C5orf34: variants seen among roughly 807,000 people sequenced by gnomAD.
C5orf34 encodes the protein uncharacterized protein C5orf34.
C5orf34 carries 73 observed loss-of-function variants against 78.4 expected under a neutral mutation model. The observed-to-expected ratio is 0.93, with a 90% CI of 0.77 to 1.13. C5orf34 has a LOEUF of 1.13. C5orf34 is among the 50% of genes most tolerant of loss of function. C5orf34 has a pLI of 0.00. For synonymous variants in C5orf34, 251 were observed against 246.6 expected (o/e 1.02, Z -0.17); for missense variants, 730 against 732.7 (o/e 1.00, Z 0.04).
At chr5:43,488,155 A>C (rs986895711) in intron 11 of C5orf34, 6 of 549,438 alleles carry the variant, frequency 1.1e-5, no homozygotes, top group Admixed American at 9.7e-5. Context: ...AAGTGAATAA[A>C]AGTCTACCCC....
intron 1 of C5orf34, among the ~76,000 whole-genome samples, chr5:43,509,764 G>GTT (rs560389477): frequency 6.7e-6 from 1 of 149,910 alleles, no homozygotes; most frequent in South Asian, 2.1e-4. Flanking sequence ...TGTTTTTTTT[G>GTT]TTTTTTTTTG....
Position 43,492,828 on chromosome 5 carries a change from A to T in C5orf34, c.1377T>A (p.Ser459Arg). ...CAGAGTAGGCAAGAAATCTTCCCAC[A>T]CTGGGTATGAGTGACTCTTTCAAAA... ...PLVLKESLIP[S>R]VGRFLAYSDD... is the part of the protein sequence containing the mutation. The change falls in exon 9 of 13, where the codon AGT becomes AGA. Residue 459 changes from serine to arginine, a missense_variant. Transcript: ENST00000306862. 1 of 1,612,510 alleles carries T rather than the reference A, an allele frequency of 6.2e-7. No homozygotes were observed.
chr5:43,503,823 A>C, intron 4 of C5orf34, 63 bp from the exon 5 acceptor site: 3 of 1,059,122 alleles, frequency 2.8e-6, no homozygotes, highest in Non-Finnish European at 4.4e-6. Flanking sequence ...TTTAGAAGTC[A>C]ACAAAATGTT....
chr5:43,495,962 C>G, intron 6 of C5orf34: 2 of 1,590,522 alleles, frequency 1.3e-6, no homozygotes, highest in South Asian at 2.2e-5. Context: ...TTCCTCTTCT[C>G]TCTTCTGGCT....
chr5:43,514,320 G>A (rs934776511), intron 1 of C5orf34: 1 of 152,146 alleles, frequency 6.6e-6, no homozygotes. Flanking sequence ...ACCTGTTTAC[G>A]TACTTATCAA....
At chr5:43,504,578 C>T (rs1745902167) in intron 4 of C5orf34, among the ~76,000 whole-genome samples, 1 of 152,122 alleles carries the variant, frequency 6.6e-6, no homozygotes, top group South Asian at 2.1e-4. Context: ...AGAAAGAGAA[C>T]ACTCCTGCAG....
chr5:43,490,601 T>C (rs927278818), intron 11 of C5orf34, 30 bp downstream of exon 11: 1 of 1,391,512 alleles, frequency 7.2e-7, no homozygotes, highest in Non-Finnish European at 1.0e-6. Flanking sequence ...TTAGCTCTTC[T>C]AAACAGATTT....
At chr5:43,501,561 CAGGG>C in intron 6 of C5orf34, among the ~76,000 whole-genome samples, 1 of 152,102 alleles carries the variant, frequency 6.6e-6, no homozygotes, top group Non-Finnish European at 1.5e-5. Context: ...TAAAAATAAA[CAGGG>C]AGTGGAGGGA....
intron 4 of C5orf34, 83 bp downstream of exon 4, chr5:43,505,665 T>G (rs969262949): frequency 1.2e-5 from 16 of 1,375,750 alleles, no homozygotes; most frequent in African/African-American, 2.9e-5. Flanking sequence ...TCCTTGTGAA[T>G]GGTATCAGAT....
intron 6 of C5orf34, among the ~76,000 whole-genome samples, chr5:43,501,208 A>T (rs1021315109): frequency 5.3e-5 from 8 of 152,058 alleles, no homozygotes; most frequent in African/African-American, 1.9e-4. Context: ...GCAGTCAGCA[A>T]TATGACTATG....
At chr5:43,508,241 G>C (rs1482225103) in intron 3 of C5orf34, among the ~76,000 whole-genome samples, 3 of 152,102 alleles carry the variant, frequency 2.0e-5, no homozygotes, top group Non-Finnish European at 2.9e-5. Flanking sequence ...ATTCCTAAAA[G>C]TCCAAACACA....
intron 6 of C5orf34, among the ~76,000 whole-genome samples, chr5:43,501,900 G>A (rs566838219): frequency 6.6e-6 from 1 of 152,254 alleles, no homozygotes; most frequent in African/African-American, 2.4e-5. Context: ...CTATGGGCTG[G>A]TAATTATACC....
intron 4 of C5orf34, among the ~76,000 whole-genome samples, chr5:43,504,131 T>C (rs1355989292): frequency 6.6e-6 from 1 of 151,862 alleles, no homozygotes; most frequent in Non-Finnish European, 1.5e-5. Flanking sequence ...ACCAACATGG[T>C]GAAAACCCGT....
At chr5:43,499,868 C>A (rs1398938808) in intron 6 of C5orf34, among the ~76,000 whole-genome samples, 1 of 152,148 alleles carries the variant, frequency 6.6e-6, no homozygotes, top group Non-Finnish European at 1.5e-5. Flanking sequence ...TCACCATTTC[C>A]CTATTAATGA....
At chr5:43,490,575 A>T in intron 11 of C5orf34, 56 bp downstream of exon 11, 1 of 1,154,456 alleles carries the variant, frequency 8.7e-7, no homozygotes, top group Non-Finnish European at 1.3e-6. Flanking sequence ...TTGACATTTT[A>T]ATTTTTTTTA....
At chr5:43,494,094 G>C (rs1275359383) in intron 7 of C5orf34, among the ~76,000 whole-genome samples, 1 of 152,020 alleles carries the variant, frequency 6.6e-6, no homozygotes, top group Non-Finnish European at 1.5e-5. Context: ...AAAAACATAT[G>C]AACCAAAGAA....
chr5:43,500,106 C>T (rs1041321776), intron 6 of C5orf34, among the ~76,000 whole-genome samples: 1 of 152,298 alleles, frequency 6.6e-6, no homozygotes, highest in Admixed American at 6.5e-5. Context: ...ACACCCTTCC[C>T]AGCAGATGTC....
At position 43,514,790 on chromosome 5, in the gene C5orf34, A is replaced by G. The variant is rs1351432464; in HGVS notation, c.-37+16T>C. ...AGGAGCCTGATCAAAACAACCACCA[A>G]AAGTCTTCCACTCACAGCAGTTCGG... is the stretch of plus-strand genomic sequence containing the variant. On this transcript the variant is annotated intron_variant, in intron 1 of 12. Coordinates refer to ENST00000306862, the MANE Select transcript of C5orf34 (RefSeq NM_198566.4). 2 of 152,180 alleles carry G rather than the reference A, an allele frequency of 1.3e-5. No individual in the cohort carries two copies. The highest frequency in any genetic ancestry group is 4.8e-5 in the African/African-American group (2 of 41,434). 9.4% of individuals were successfully genotyped at this position (152,180 alleles called of 1,614,324 possible).
intron 11 of C5orf34, among the ~76,000 whole-genome samples, chr5:43,489,173 A>G (rs1745175830): frequency 6.6e-6 from 1 of 152,002 alleles, no homozygotes; most frequent in Non-Finnish European, 1.5e-5. Context: ...TTGCTCTCAT[A>G]ATGAACGAAC....
Sources: gnomAD v4.1 joint callset for allele counts (sites outside exome capture counted in the v4.1 genomes callset) on GRCh38, gnomAD v4.1.1 for gene constraint, MANE v1.5 for transcripts, NCBI Gene and HGNC (gene_info 2026-07-23, HGNC 2026-07-21) for gene names.